FAM83D: variants seen among roughly 807,000 people sequenced by gnomAD.
The protein encoded by FAM83D is protein FAM83D.
A neutral mutation model predicts 25.4 loss-of-function variants in FAM83D; 26 were observed. That is an observed-to-expected ratio of 1.02 (90% confidence interval 0.75 to 1.42). FAM83D has a LOEUF of 1.42. FAM83D is among the 40% of genes most tolerant of loss of function. FAM83D has a pLI of 0.00. For synonymous variants in FAM83D, 310 were observed against 318.5 expected (o/e 0.97, Z 0.28); for missense variants, 740 against 758.1 (o/e 0.98, Z 0.28).
chr20:38,935,354 C>T (rs138849457), intron 1 of FAM83D, among the ~76,000 whole-genome samples: 3 of 152,292 alleles, frequency 2.0e-5, no homozygotes, highest in East Asian at 3.9e-4. Context: ...AGTGGTCAGT[C>T]CCTCCAGAGA....
intron 3 of FAM83D, among the ~76,000 whole-genome samples, chr20:38,949,893 C>T (rs931918071): frequency 3.3e-5 from 5 of 151,912 alleles, no homozygotes; most frequent in Admixed American, 6.5e-5. Flanking sequence ...TCTCGGCTCA[C>T]TGCCAAGTTC....
intron 2 of FAM83D, among the ~76,000 whole-genome samples, chr20:38,945,056 T>C (rs914377358): frequency 6.6e-6 from 1 of 152,104 alleles, no homozygotes; most frequent in Non-Finnish European, 1.5e-5. Flanking sequence ...TCTGTGCTAG[T>C]GAATTTGTGC....
chr20:38,933,864 C>G (rs998732075), intron 1 of FAM83D, among the ~76,000 whole-genome samples: 17 of 144,384 alleles, frequency 1.2e-4, no homozygotes, highest in Non-Finnish European at 1.8e-4. Flanking sequence ...TTCTTTCTTT[C>G]TTTTTTTTTT....
intron 1 of FAM83D, among the ~76,000 whole-genome samples, chr20:38,937,032 C>A (rs1449982928): frequency 6.6e-6 from 1 of 152,124 alleles, no homozygotes; most frequent in Non-Finnish European, 1.5e-5. Flanking sequence ...AGTGGACACA[C>A]ATGCAGCTGC....
chr20:38,937,342 C>T (rs2085683135), intron 1 of FAM83D, among the ~76,000 whole-genome samples: 1 of 146,678 alleles, frequency 6.8e-6, no homozygotes, highest in Non-Finnish European at 1.5e-5. Context: ...TTGTCCTTCG[C>T]ACATTATTGC....
intron 2 of FAM83D, 73 bp from the exon 3 acceptor site, chr20:38,947,803 G>T: frequency 3.2e-6 from 5 of 1,556,286 alleles, no homozygotes; most frequent in Admixed American, 1.8e-5. Flanking sequence ...AAGGCTTTTT[G>T]TCCTAACCAT....
At chr20:38,928,641 T>G (rs566186340) in intron 1 of FAM83D, among the ~76,000 whole-genome samples, 1 of 152,196 alleles carries the variant, frequency 6.6e-6, no homozygotes, top group African/African-American at 2.4e-5. Flanking sequence ...AGCCCCAAAT[T>G]TTAGTGATAG....
In FAM83D at chr20:38,942,133, G is replaced by A; in HGVS notation, c.651+7G>A. On this transcript the variant is annotated splice_region_variant and intron_variant, in intron 2 of 3. Transcript: ENST00000619850. Reference sequence around the variant, plus strand: ...TCATCCTGAACAGGAAAAGGTTTGTGGTACACTATATCCAGTTTCACCATA... The same window carrying A: ...TCATCCTGAACAGGAAAAGGTTTGTAGTACACTATATCCAGTTTCACCATA... 1 of 1,613,972 alleles carries A rather than the reference G, an allele frequency of 6.2e-7. No individual in the cohort carries two copies. The highest frequency in any genetic ancestry group is 8.5e-7 in the Non-Finnish European group (1 of 1,179,886).
chr20:38,942,149 T>C (rs868206730), intron 2 of FAM83D, 23 bp downstream of exon 2: 1 of 1,613,052 alleles, frequency 6.2e-7, no homozygotes, highest in Non-Finnish European at 8.5e-7. Context: ...CTATATCCAG[T>C]TTCACCATAG....
intron 1 of FAM83D, among the ~76,000 whole-genome samples, chr20:38,929,179 G>GAAAACAAAAAA (rs2085648755): frequency 7.9e-6 from 1 of 126,960 alleles, no homozygotes; most frequent in African/African-American, 3.0e-5. Flanking sequence ...CTCCCTCTCG[G>GAAAACAAAAAA]AAAAAAAAAA....
At chr20:38,939,054 A>G (rs1336359267) in intron 1 of FAM83D, among the ~76,000 whole-genome samples, 1 of 152,152 alleles carries the variant, frequency 6.6e-6, no homozygotes, top group Non-Finnish European at 1.5e-5. Context: ...TTGCTCATTC[A>G]TCCGTCTTTT....
rs552287469 is a variant in FAM83D, at chr20:38,936,976, T to C, written c.484-4983T>C. ...ATCAGGAGGGGACAGGTAGAAGGAC[T>C]GAGAGAGGTAGGCTTGTGATTTGTT... is the stretch of plus-strand genomic sequence containing the variant. On this transcript the variant is annotated intron_variant, in intron 1 of 3. Coordinates refer to ENST00000619850, the MANE Select transcript of FAM83D (RefSeq NM_030919.3). 2.0e-5 allele frequency among the ~76,000 whole-genome samples: 3 copies of C among 152,244 alleles called. No homozygotes were observed. In the East Asian group the frequency reaches 5.8e-4, roughly 29 times the overall value.
Position 38,926,713 on chromosome 20 carries a change from G to T in FAM83D, c.271G>T (p.Gly91Cys). Residue 91 changes from glycine to cysteine, a missense_variant, in exon 1 of 4, where the codon GGC becomes TGC. Coordinates refer to ENST00000619850, the MANE Select transcript of FAM83D (RefSeq NM_030919.3). ...AAAAAAEDSFGSSHDCSSGTY... is the reference protein window; with the variant it reads ...AAAAAAEDSFCSSHDCSSGTY... The stretch of plus-strand genomic sequence containing the variant: ...GGCGGCGGCGGCCGAGGACTCGTTC[G>T]GCTCCTCGCACGACTGCTCTTCGGG... 2 of 1,521,446 alleles carry T rather than the reference G, an allele frequency of 1.3e-6. No individual in the cohort carries two copies. The highest frequency in any genetic ancestry group is 1.8e-6 in the Non-Finnish European group (2 of 1,141,340). 94.2% of individuals were successfully genotyped at this position (1,521,446 alleles called of 1,614,324 possible). A position where few individuals can be genotyped will look rare whatever the true frequency, so the allele number is the denominator to read the frequency against.
chr20:38,933,681 A>C (rs1485603810), intron 1 of FAM83D, among the ~76,000 whole-genome samples: 1 of 152,178 alleles, frequency 6.6e-6, no homozygotes. Context: ...ACCATTTGTA[A>C]GTGTACAGTT....
chr20:38,950,793 A>T (rs2085749987), intron 3 of FAM83D, among the ~76,000 whole-genome samples: 1 of 149,866 alleles, frequency 6.7e-6, no homozygotes, highest in Non-Finnish European at 1.5e-5. Context: ...AAATATTTAG[A>T]AGCCCTATTT....
intron 3 of FAM83D, among the ~76,000 whole-genome samples, chr20:38,950,106 C>A (rs1188803307): frequency 1.3e-5 from 2 of 148,972 alleles, no homozygotes; most frequent in Admixed American, 1.3e-4. Flanking sequence ...TAGGCATGAG[C>A]CACCGTGCCC....
At chr20:38,950,827 G>C (rs911893253) in intron 3 of FAM83D, among the ~76,000 whole-genome samples, 2 of 149,500 alleles carry the variant, frequency 1.3e-5, no homozygotes, top group African/African-American at 5.1e-5. Context: ...AATTTTTTGA[G>C]ATGGAGTCTC....
rs1201056135 is a variant in FAM83D at position 38,952,091 on chromosome 20, G to T, written c.1329G>T (p.Gln443His). The T allele has an allele frequency of 6.2e-7, 1 of 1,614,096 alleles. No homozygotes were observed. The highest frequency in any genetic ancestry group is 8.5e-7 in the Non-Finnish European group (1 of 1,180,054). The change falls in exon 4 of 4, where the codon CAG (glutamine) becomes CAT (histidine). Residue 443 changes from glutamine (Q) to histidine (H), a missense_variant. By Grantham distance (24) the Gln-to-His change is conservative (BLOSUM62 0). Coordinates refer to ENST00000619850, the MANE Select transcript of FAM83D (RefSeq NM_030919.3). ...TTIWSRSTTTQTDMDENILFP... is the reference protein window; with the variant it reads ...TTIWSRSTTTHTDMDENILFP... ...TTTGGTCCAGATCGACCACTACTCA[G>T]ACTGACATGGATGAGAACATTCTCT...
In FAM83D at chr20:38,926,422, C is replaced by T. The variant is rs371952180; in HGVS notation, c.-21C>T. On this transcript the variant is annotated 5_prime_UTR_variant, in exon 1 of 4. Transcript: ENST00000619850. ...CTGCACGCCGGTTTTTGTCCGAGGG[C>T]TGTCGAGTCCGAGCGCCGCCATGGC... 49 of 1,597,048 alleles carry T rather than the reference C, an allele frequency of 3.1e-5. No individual in the cohort carries two copies. The highest frequency in any genetic ancestry group is 3.9e-5 in the Non-Finnish European group (46 of 1,178,340).
Sources: allele counts gnomAD v4.1 joint callset (sites outside exome capture counted in the v4.1 genomes callset), GRCh38; gene constraint gnomAD v4.1.1; transcripts MANE v1.5; gene names NCBI Gene and HGNC (gene_info 2026-07-23, HGNC 2026-07-21).